The following PHF14 variants were observed in gnomAD, a reference collection of about 807,000 sequenced individuals.
PHF14 encodes the protein PHD finger protein 14.
PHF14 carries 55 observed loss-of-function variants against 117.9 expected under a neutral mutation model. The observed-to-expected ratio is 0.47, with a 90% CI of 0.38 to 0.58. PHF14 has a LOEUF of 0.58. PHF14 is among the 20% of genes least tolerant of loss of function. The pLI is 0.00. For missense variants in PHF14, 978 were observed against 1,122.2 expected (o/e 0.87, Z 1.84); for synonymous variants, 409 against 368.6 (o/e 1.11, Z -1.26).
chr7:11,111,196 T>C (rs988336495), intron 16 of PHF14, 154 bp from the exon 17 acceptor site: 4 of 501,328 alleles, frequency 8.0e-6, no homozygotes, highest in African/African-American at 7.9e-5. Flanking sequence ...TTTGCCTTTA[T>C]CATCATCATT....
intron 17 of PHF14, among the ~76,000 whole-genome samples, chr7:11,143,089 G>A (rs1257765379): frequency 6.6e-6 from 1 of 151,960 alleles, no homozygotes; most frequent in Non-Finnish European, 1.5e-5. Context: ...GCCTTACTTT[G>A]GGTATCTATA....
chr7:11,147,128 A>G (rs867907800), intron 17 of PHF14, among the ~76,000 whole-genome samples: 65 of 152,302 alleles, frequency 4.3e-4, no homozygotes, highest in Non-Finnish European at 7.1e-4. Context: ...GATTACGGGC[A>G]TAAGCCGCCA....
chr7:11,110,578 C>T (rs1158009412), intron 16 of PHF14: 3 of 941,580 alleles, frequency 3.2e-6, no homozygotes, highest in Non-Finnish European at 2.5e-6. Flanking sequence ...AGATTTTGCA[C>T]ATCATAGGTG....
intron 5 of PHF14, among the ~76,000 whole-genome samples, chr7:11,014,684 C>G (rs1375639793): frequency 2.0e-5 from 3 of 152,136 alleles, no homozygotes; most frequent in Admixed American, 2.0e-4. Flanking sequence ...TTATAGCTCC[C>G]TCTACCATTG....
In PHF14 at chr7:10,998,869, C is replaced by G. The variant is rs115102687; in HGVS notation, c.1045+8022C>G. On this transcript the variant is annotated intron_variant, in intron 4 of 17. Transcript: ENST00000634607. The stretch of plus-strand genomic sequence containing the variant: ...ATAATGCTGAGTACCATCTCTACTT[C>G]TTAAGTCATTCTTAGGTCTACTTCT... Among the ~76,000 whole-genome samples the G allele has an allele frequency of 6.0e-3, 911 of 152,242 alleles. 9 individuals carry two copies. The highest frequency in any genetic ancestry group is 0.021 in the African/African-American group (867 of 41,518).
At chr7:10,992,490 C>G (rs557011936) in intron 4 of PHF14, among the ~76,000 whole-genome samples, 2 of 151,518 alleles carry the variant, frequency 1.3e-5, no homozygotes, top group South Asian at 4.2e-4. Flanking sequence ...TGGCGAAACC[C>G]CATCTCTACT....
intron 17 of PHF14, among the ~76,000 whole-genome samples, chr7:11,135,142 G>C (rs926130945): frequency 1.2e-4 from 19 of 152,088 alleles, no homozygotes; most frequent in African/African-American, 4.6e-4. Context: ...CAAGAATGCA[G>C]ACTTGGAGTC....
chr7:11,138,900 T>A (rs1352735649), intron 17 of PHF14, among the ~76,000 whole-genome samples: 1 of 152,140 alleles, frequency 6.6e-6, no homozygotes, highest in African/African-American at 2.4e-5. Context: ...CAGCAGATGG[T>A]TGTTACATTT....
intron 17 of PHF14, among the ~76,000 whole-genome samples, chr7:11,153,125 G>A (rs1436922510): frequency 1.3e-5 from 2 of 152,152 alleles, no homozygotes. Flanking sequence ...CCTGTATAAA[G>A]AATAGGTATA....
intron 2 of PHF14, among the ~76,000 whole-genome samples, chr7:10,978,973 A>G (rs1362316966): frequency 6.6e-6 from 1 of 152,170 alleles, no homozygotes; most frequent in Non-Finnish European, 1.5e-5. Flanking sequence ...GTAAATAACT[A>G]GTAGAATAGT....
At chr7:10,999,663 A>G (rs776798548) in intron 4 of PHF14, among the ~76,000 whole-genome samples, 2 of 152,160 alleles carry the variant, frequency 1.3e-5, no homozygotes, top group African/African-American at 4.8e-5. Flanking sequence ...ACAGCTATTG[A>G]AAGTTCATAA....
At chr7:11,097,424 C>G (rs1786918789) in intron 16 of PHF14, among the ~76,000 whole-genome samples, 2 of 152,064 alleles carry the variant, frequency 1.3e-5, no homozygotes, top group African/African-American at 4.8e-5. Context: ...ATATCAGAGT[C>G]TCCTCAGTTT....
At chr7:11,067,458 T>C (rs1785461345) in intron 16 of PHF14, among the ~76,000 whole-genome samples, 1 of 152,222 alleles carries the variant, frequency 6.6e-6, no homozygotes, top group Non-Finnish European at 1.5e-5. Flanking sequence ...CTGTTAATAC[T>C]GCTTCTAGCT....
At chr7:11,047,283 T>G (rs550099140) in intron 13 of PHF14, among the ~76,000 whole-genome samples, 1 of 151,986 alleles carries the variant, frequency 6.6e-6, no homozygotes, top group Non-Finnish European at 1.5e-5. Flanking sequence ...TTAGCCAGAA[T>G]GGTCTCGATC....
chr7:11,152,092 T>A (rs1304662359), intron 17 of PHF14, among the ~76,000 whole-genome samples: 1 of 152,190 alleles, frequency 6.6e-6, no homozygotes, highest in African/African-American at 2.4e-5. Flanking sequence ...TGTTTTGGAT[T>A]TGAAAATTGC....
chr7:11,076,876 T>C (rs1156583630), intron 16 of PHF14, among the ~76,000 whole-genome samples: 2 of 146,952 alleles, frequency 1.4e-5, no homozygotes, highest in African/African-American at 2.6e-5. Context: ...CTTTCAAATA[T>C]GGTTTTTTTT....
chr7:11,072,238 G>C (rs1785636679), intron 16 of PHF14, among the ~76,000 whole-genome samples: 2 of 152,128 alleles, frequency 1.3e-5, no homozygotes, highest in Admixed American at 6.5e-5. Context: ...GGGGCAAAGA[G>C]AGAGATGTGA....
chr7:11,107,375 TG>T (rs1787305180), intron 16 of PHF14: 1 of 876,934 alleles, frequency 1.1e-6, no homozygotes, highest in Non-Finnish European at 1.4e-6. Context: ...CACTACATTT[TG>T]TTAATGGGTA....
chr7:11,042,599 T>C (rs1784535459), intron 12 of PHF14, 84 bp from the exon 13 acceptor site: 5 of 902,682 alleles, frequency 5.5e-6, no homozygotes, highest in Non-Finnish European at 8.0e-6. Context: ...GATGAAATTT[T>C]GTAAGTTGAA....
Sources: allele counts gnomAD v4.1 joint callset (sites outside exome capture counted in the v4.1 genomes callset), GRCh38; gene constraint gnomAD v4.1.1; transcripts MANE v1.5; gene names NCBI Gene and HGNC (gene_info 2026-07-23, HGNC 2026-07-21).